Variants in PDE4D observed in about 807,000 individuals in gnomAD.
The protein encoded by PDE4D is 3',5'-cyclic-AMP phosphodiesterase 4D.
PDE4D carries 24 observed loss-of-function variants against 87.4 expected under a neutral mutation model. That is an observed-to-expected ratio of 0.27 (90% CI 0.20 to 0.39). The LOEUF (loss-of-function observed/expected upper bound fraction) is 0.39. PDE4D is among the 10% of genes least tolerant of loss of function. The pLI is 1.00. For synonymous variants in PDE4D, 384 were observed against 383.2 expected, an observed-to-expected ratio of 1.00 and a Z score of -0.02; for missense variants, 714 against 1,041.0, an observed-to-expected ratio of 0.69 and a Z score of 4.32.
At chr5:59,634,221 C>A (rs1053861099) in intron 1 of PDE4D, among the ~76,000 whole-genome samples, 1 of 152,134 alleles carries the variant, frequency 6.6e-6, no homozygotes, top group African/African-American at 2.4e-5. Context: ...TACAAGAGCA[C>A]CCAGATTCAT....
At chr5:59,334,944 C>T (rs942057937) in intron 1 of PDE4D, among the ~76,000 whole-genome samples, 1 of 152,006 alleles carries the variant, frequency 6.6e-6, no homozygotes, top group Non-Finnish European at 1.5e-5. Flanking sequence ...ACCCATTTGC[C>T]TCTGCTTTTC....
intron 1 of PDE4D, among the ~76,000 whole-genome samples, chr5:59,784,782 G>A (rs1447481307): frequency 6.6e-6 from 1 of 152,174 alleles, no homozygotes; most frequent in African/African-American, 2.4e-5. Flanking sequence ...ATTCCCATGT[G>A]TTGTGGGAGG....
intron 2 of PDE4D, among the ~76,000 whole-genome samples, chr5:60,061,680 C>A (rs1274051734): frequency 2.6e-5 from 4 of 152,120 alleles, no homozygotes; most frequent in African/African-American, 9.7e-5. Context: ...TGACTTCAAA[C>A]TATACTGCAA....
intron 1 of PDE4D, among the ~76,000 whole-genome samples, chr5:60,259,271 C>T (rs546556962): frequency 2.0e-5 from 3 of 152,120 alleles, no homozygotes; most frequent in Non-Finnish European, 4.4e-5. Context: ...ACAAACTCAT[C>T]ATAAATTTAA....
chr5:59,969,729 T>C (rs1473588182), intron 3 of PDE4D, among the ~76,000 whole-genome samples: 1 of 152,190 alleles, frequency 6.6e-6, no homozygotes, highest in African/African-American at 2.4e-5. Flanking sequence ...GATGGTTTTA[T>C]AGAGGCTTTT....
At chr5:59,434,571 GA>G (rs1562181903) in intron 1 of PDE4D, among the ~76,000 whole-genome samples, 1 of 152,048 alleles carries the variant, frequency 6.6e-6, no homozygotes, top group East Asian at 1.9e-4. Flanking sequence ...TTTATGTGCT[GA>G]AAAACTCCCA....
chr5:59,528,745 G>C (rs1813614104), intron 1 of PDE4D: 1 of 172,574 alleles, frequency 5.8e-6, no homozygotes, highest in South Asian at 1.4e-4. Context: ...GAGATGTGAT[G>C]GTATAATGGT....
intron 1 of PDE4D, among the ~76,000 whole-genome samples, chr5:59,530,609 TAA>T (rs35842486): frequency 7.4e-5 from 11 of 149,630 alleles, no homozygotes; most frequent in Non-Finnish European, 8.9e-5. Flanking sequence ...ACCATATTAT[TAA>T]AAAAAAAAAT....
chr5:59,409,400 C>A (rs181008786), intron 1 of PDE4D, among the ~76,000 whole-genome samples: 1 of 152,028 alleles, frequency 6.6e-6, no homozygotes. Flanking sequence ...GGGCCAAGGG[C>A]GGAATGATAC....
chr5:59,181,614 GAACACTTAATA>G (rs2153478693), intron 4 of PDE4D, among the ~76,000 whole-genome samples: 1 of 144,134 alleles, frequency 6.9e-6, no homozygotes, highest in East Asian at 2.0e-4. Flanking sequence ...TACCAAGGGT[GAACACTTAATA>G]AACACTTCTT....
At chr5:60,009,847 T>C (rs1764848043) in intron 2 of PDE4D, among the ~76,000 whole-genome samples, 1 of 152,114 alleles carries the variant, frequency 6.6e-6, no homozygotes, top group Admixed American at 6.6e-5. Context: ...TACTGAGTCA[T>C]GTTGACAAGG....
At chr5:60,331,599 G>C (rs2149870477) in intron 1 of PDE4D, among the ~76,000 whole-genome samples, 1 of 152,300 alleles carries the variant, frequency 6.6e-6, no homozygotes, top group East Asian at 1.9e-4. Context: ...GGAAATTCTA[G>C]AGTCCAGATA....
At chr5:60,160,815 G>A (rs1390918452) in intron 2 of PDE4D, 2 of 452,058 alleles carry the variant, frequency 4.4e-6, no homozygotes, top group Non-Finnish European at 8.9e-6. Flanking sequence ...CTTACTTTTT[G>A]TCCTAAATGT....
chr5:59,386,939 A>G (rs1423692264), intron 1 of PDE4D, among the ~76,000 whole-genome samples: 1 of 152,192 alleles, frequency 6.6e-6, no homozygotes, highest in African/African-American at 2.4e-5. Context: ...TGCTTTCTCC[A>G]TTACATCAAA....
rs941334531 is a variant in PDE4D, at chr5:59,310,035, T to C, written c.456-94067A>G. 5.9e-5 allele frequency among the ~76,000 whole-genome samples: 9 copies of C among 152,260 alleles called. No individual in the cohort carries two copies. In the East Asian group the frequency reaches 1.4e-3, roughly 23 times the overall value. On this transcript the variant is annotated intron_variant, in intron 1 of 14. Coordinates refer to ENST00000340635, the MANE Select transcript of PDE4D (RefSeq NM_001104631.2). ...AATTCTCTTTGGTCACTCTTCCCTC[T>C]AGCAGATTCCTCAGTTCATCCTGGT...
intron 1 of PDE4D, among the ~76,000 whole-genome samples, chr5:59,636,038 C>T (rs1832196134): frequency 1.3e-5 from 2 of 152,192 alleles, no homozygotes; most frequent in Admixed American, 6.5e-5. Context: ...TCAGCAAAGT[C>T]TCAGGATAAA....
chr5:59,294,157 G>A (rs558858203), intron 1 of PDE4D, among the ~76,000 whole-genome samples: 2 of 152,240 alleles, frequency 1.3e-5, no homozygotes, highest in East Asian at 3.9e-4. Context: ...ATCATAGTAT[G>A]CGGACAGACC....
At chr5:59,441,997 C>T (rs1797692104) in intron 1 of PDE4D, among the ~76,000 whole-genome samples, 1 of 146,324 alleles carries the variant, frequency 6.8e-6, no homozygotes, top group Non-Finnish European at 1.5e-5. Context: ...ATTATAGCTA[C>T]CACAAGATAC....
intron 1 of PDE4D, among the ~76,000 whole-genome samples, chr5:59,580,301 G>A (rs1017132546): frequency 2.0e-5 from 3 of 152,068 alleles, no homozygotes; most frequent in African/African-American, 4.8e-5. Context: ...CTGCAAACAG[G>A]GATTTGGATA....
Sources: gnomAD v4.1 joint callset for allele counts (sites outside exome capture counted in the v4.1 genomes callset) on GRCh38, gnomAD v4.1.1 for gene constraint, MANE v1.5 for transcripts, NCBI Gene and HGNC (gene_info 2026-07-23, HGNC 2026-07-21) for gene names.